The following SLC25A36 variants were observed in gnomAD, a reference collection of about 807,000 sequenced individuals.
SLC25A36 encodes solute carrier family 25 member 36, also known as epididymis secretory sperm binding protein.
In SLC25A36, 24 loss-of-function variants were observed where a neutral mutation model predicts 35.3. The observed-to-expected ratio is 0.68, with a 90% confidence interval of 0.49 to 0.96. The LOEUF (loss-of-function observed/expected upper bound fraction) is 0.96, where lower values mean the gene tolerates loss of function less well. Among genes scored for constraint, SLC25A36 ranks in the 40% least tolerant of loss-of-function variants. SLC25A36 has a pLI of 0.00. For synonymous variants in SLC25A36, 141 were observed against 132.2 expected, an observed-to-expected ratio of 1.07 and a Z score of -0.46; for missense variants, 294 against 381.1, an observed-to-expected ratio of 0.77 and a Z score of 1.90.
chr3:140,979,899 G>A lies in SLC25A36; in HGVS notation c.*3446G>A, dbSNP rs536669954. Reference sequence around the variant, plus strand: ...TATGTTATCTAGCTGACTTTTACTTGAATTGTTCAAATTTTAAAAATTAAA... The same window carrying A: ...TATGTTATCTAGCTGACTTTTACTTAAATTGTTCAAATTTTAAAAATTAAA... On this transcript the variant is annotated 3_prime_UTR_variant, in exon 7 of 7. Transcript: ENST00000324194. The A allele has an allele frequency of 2.0e-5, 3 of 152,212 alleles. No homozygotes were observed. The highest frequency in any genetic ancestry group is 3.9e-4 in the East Asian group (2 of 5,186). The allele number at this position is 152,212 out of a possible 1,614,324, so 9.4% of individuals were successfully genotyped here.
chr3:140,966,286 A>G, intron 4 of SLC25A36: 1 of 232,178 alleles, frequency 4.3e-6, no homozygotes, highest in Non-Finnish European at 8.9e-6. Context: ...AGCCAGATGG[A>G]TGGTTGGACA....
intron 1 of SLC25A36, among the ~76,000 whole-genome samples, chr3:140,952,595 CATAGCTAATATTT>C (rs1934357425): frequency 6.6e-6 from 1 of 152,220 alleles, no homozygotes; most frequent in Non-Finnish European, 1.5e-5. Context: ...CACATAACTA[CATAGCTAATATTT>C]ATTGAGCACT....
In SLC25A36 at chr3:140,978,363, T is replaced by G. The variant is rs1935104813; in HGVS notation, c.*1910T>G. The stretch of plus-strand genomic sequence containing the variant: ...CAAATCTGTAGAGAAGGTCTGAATC[T>G]ATCGTGTTTGCCTTTTCAGGTGCCA... On this transcript the variant is annotated 3_prime_UTR_variant, in exon 7 of 7. Coordinates refer to ENST00000324194, the MANE Select transcript of SLC25A36 (RefSeq NM_001104647.3). The G allele has an allele frequency of 1.3e-5, 2 of 152,202 alleles. No individual in the cohort carries two copies. Among genetic ancestry groups the G allele is most frequent in the African/African-American group, 4.8e-5 (2 of 41,458 alleles). 9.4% of individuals were successfully genotyped at this position (152,202 alleles called of 1,614,324 possible).
intron 1 of SLC25A36, among the ~76,000 whole-genome samples, chr3:140,950,152 C>G (rs935400959): frequency 6.6e-6 from 1 of 152,028 alleles, no homozygotes; most frequent in African/African-American, 2.4e-5. Flanking sequence ...CAGTGCTTAC[C>G]TTATTGTGAC....
rs992863403 is a variant in SLC25A36, at chr3:140,946,180, G to GA, written c.41+4093dup. 1.0e-3 allele frequency among the ~76,000 whole-genome samples: 152 copies of GA among 151,988 alleles called. 1 individual carries two copies. The highest frequency in any genetic ancestry group is 1.5e-3 in the Non-Finnish European group (100 of 67,950). ...AACTAGAAGGCATTAAGTGCTGTGG[G>GA]AAAAAAAATGGTGCACCTTAAAGGA... On this transcript the variant is annotated intron_variant, in intron 1 of 6. Coordinates refer to ENST00000324194, the MANE Select transcript of SLC25A36 (RefSeq NM_001104647.3).
chr3:140,976,178 C>G, intron 6 of SLC25A36, 82 bp from the exon 7 acceptor site: 6 of 924,430 alleles, frequency 6.5e-6, no homozygotes, highest in Non-Finnish European at 9.8e-6. Flanking sequence ...CACTTACAGA[C>G]TGATAAATGG....
chr3:140,972,783 A>G (rs1223545302), intron 5 of SLC25A36: 2 of 152,188 alleles, frequency 1.3e-5, no homozygotes, highest in African/African-American at 4.8e-5. Context: ...TTCAATATCT[A>G]AAGACAATCC....
intron 1 of SLC25A36, among the ~76,000 whole-genome samples, chr3:140,943,494 C>G (rs968503439): frequency 2.0e-5 from 3 of 152,226 alleles, no homozygotes; most frequent in African/African-American, 7.2e-5. Context: ...TGCCAATAAT[C>G]AGGCAAATTA....
In SLC25A36 at chr3:140,941,943, T is replaced by C. The variant is rs1576472874; in HGVS notation, c.-112T>C. ...GCAGCCGCATCTCGGCCAGCTCTCC[T>C]CGCCGTCCCCGGGGCGCTGTGCGTC... On this transcript the variant is annotated 5_prime_UTR_variant, in exon 1 of 7. Coordinates refer to ENST00000324194, the MANE Select transcript of SLC25A36 (RefSeq NM_001104647.3). 3 of 619,092 alleles carry C rather than the reference T, an allele frequency of 4.8e-6. No individual in the cohort carries two copies. The highest frequency in any genetic ancestry group is 8.2e-6 in the Non-Finnish European group (3 of 365,582). 38.3% of individuals were successfully genotyped at this position (619,092 alleles called of 1,614,324 possible).
chr3:140,961,904 C>A (rs935743622), intron 3 of SLC25A36, among the ~76,000 whole-genome samples: 8 of 141,950 alleles, frequency 5.6e-5, no homozygotes, highest in African/African-American at 2.1e-4. Flanking sequence ...GGATTTTTAT[C>A]CCTTATCCAT....
chr3:140,976,567 A>G lies in SLC25A36; in HGVS notation c.*114A>G, dbSNP rs539674182. The G allele has an allele frequency of 8.6e-6, 7 of 809,368 alleles. No individual in the cohort carries two copies. The highest frequency in any genetic ancestry group is 2.7e-5 in the South Asian group (1 of 37,408). The allele number at this position is 809,368 out of a possible 1,614,324, so 50.1% of individuals were successfully genotyped here. On this transcript the variant is annotated 3_prime_UTR_variant, in exon 7 of 7. Transcript: ENST00000324194. ...AAAAATAGTTTGGGAACATGTAACT[A>G]TTCTAAGTGGAAGTTTTGTTGTAGG...
At chr3:140,950,102 A>G (rs369754335) in intron 1 of SLC25A36, among the ~76,000 whole-genome samples, 52 of 152,108 alleles carry the variant, frequency 3.4e-4, no homozygotes, top group Non-Finnish European at 5.1e-4. Context: ...CATCCTCTCA[A>G]TATATAATTT....
intron 5 of SLC25A36, among the ~76,000 whole-genome samples, chr3:140,971,615 C>T (rs1282882815): frequency 3.9e-5 from 6 of 152,132 alleles, no homozygotes; most frequent in Non-Finnish European, 7.4e-5. Context: ...AGGAACCAAT[C>T]GGTGCAAACC....
At chr3:140,949,716 G>A (rs1934267887) in intron 1 of SLC25A36, among the ~76,000 whole-genome samples, 1 of 152,186 alleles carries the variant, frequency 6.6e-6, no homozygotes, top group African/African-American at 2.4e-5. Flanking sequence ...ACAAAGTAAT[G>A]AACTTACACC....
intron 4 of SLC25A36, chr3:140,968,417 A>T (rs1360393952): frequency 1.0e-6 from 1 of 974,322 alleles, no homozygotes; most frequent in Non-Finnish European, 1.2e-6. Context: ...TAGCTTACTG[A>T]TAATAGCAAT....
intron 2 of SLC25A36, among the ~76,000 whole-genome samples, chr3:140,958,684 G>A (rs1934542915): frequency 6.6e-6 from 1 of 152,170 alleles, no homozygotes; most frequent in Admixed American, 6.5e-5. Flanking sequence ...GTAGTAGTAA[G>A]AAGTATTGTC....
chr3:140,942,020 C>A lies in SLC25A36; in HGVS notation c.-35C>A, dbSNP rs995972060. ...CGTAGCGGGCGGCCAGATCCGCGTC[C>A]CGCCTCAGCGGCCGGAGGACATGCG... is the stretch of plus-strand genomic sequence containing the variant. On this transcript the variant is annotated 5_prime_UTR_variant, in exon 1 of 7. Transcript: ENST00000324194. The A allele has an allele frequency of 7.6e-7, 1 of 1,315,676 alleles. No homozygotes were observed. The highest frequency in any genetic ancestry group is 1.3e-5 in the South Asian group (1 of 78,136). 81.5% of individuals were successfully genotyped at this position (1,315,676 alleles called of 1,614,324 possible). A position where few individuals can be genotyped will look rare whatever the true frequency, so the allele number is the denominator to read the frequency against.
rs369512837 is a variant in SLC25A36, at chr3:140,980,767, C to G, written c.*4314C>G. ...CCATGCTGGAGTGCAATGACATGAT[C>G]TCAGGTCACTGCAACCTCTGCCTCC... On this transcript the variant is annotated 3_prime_UTR_variant, in exon 7 of 7. Transcript: ENST00000324194. Among the ~76,000 whole-genome samples, 13 of 126,084 alleles carry G rather than the reference C, an allele frequency of 1.0e-4. No individual in the cohort carries two copies. The East Asian group carries it at 3.3e-3, about 32-fold the overall frequency. The allele number at this position is 126,084 out of a possible 152,430, so 82.7% of individuals were successfully genotyped here. A position where few individuals can be genotyped will look rare whatever the true frequency, so the allele number is the denominator to read the frequency against.
At chr3:140,975,097 C>T (rs201261414) in intron 6 of SLC25A36, among the ~76,000 whole-genome samples, 398 of 55,172 alleles carry the variant, frequency 7.2e-3, no homozygotes, top group Middle Eastern at 0.017. Context: ...AAGATACATT[C>T]TTTTTTTTTT....
Sources: allele counts gnomAD v4.1 joint callset (sites outside exome capture counted in the v4.1 genomes callset), GRCh38; gene constraint gnomAD v4.1.1; transcripts MANE v1.5; gene names NCBI Gene and HGNC (gene_info 2026-07-23, HGNC 2026-07-21).